The following PSIP1 variants were observed in gnomAD, a reference collection of about 807,000 sequenced individuals.
PSIP1 encodes PC4 and SRSF1 interacting protein 1, also known as PC4 and SFRS1-interacting protein.
A neutral mutation model predicts 74.7 loss-of-function variants in PSIP1; 19 were observed. The observed-to-expected ratio is 0.25, with a 90% confidence interval of 0.18 to 0.37. PSIP1 has a LOEUF of 0.37. Ranked by LOEUF, PSIP1 falls within the 10% of genes least tolerant of loss-of-function variation. The pLI, the probability that PSIP1 is intolerant of heterozygous loss-of-function variation, is 1.00. For missense variants in PSIP1, 601 were observed against 614.3 expected (o/e 0.98, Z 0.23); for synonymous variants, 222 against 195.3 (o/e 1.14, Z -1.14).
Position 15,465,552 on chromosome 9 carries a change from T to G in PSIP1, c.1561A>C (p.Ile521Leu), listed in dbSNP as rs756732844. ...KPSSEERETE[I>L]SLKDSTLDN ...TCTAGTGTAGAATCCTTCAGAGATA[T>G]TTCAGTCTCTCTCTCTTCACTGGAT... is the stretch of plus-strand genomic sequence containing the variant. The change falls in exon 16 of 16, where the codon ATA (isoleucine) becomes CTA (leucine). Residue 521 changes from isoleucine (I) to leucine (L), a missense_variant. Transcript: ENST00000380733. 3 of 1,585,704 alleles carry G rather than the reference T, an allele frequency of 1.9e-6. No homozygotes were observed. The highest frequency in any genetic ancestry group is 2.6e-6 in the Non-Finnish European group (3 of 1,156,926).
Position 15,510,244 on chromosome 9 carries a change from G to T in PSIP1, c.-56C>A. 2 of 1,546,424 alleles carry T rather than the reference G, an allele frequency of 1.3e-6. No homozygotes were observed. Among genetic ancestry groups the T allele is most frequent in the Non-Finnish European group, 1.8e-6 (2 of 1,136,256 alleles). ...CCGGGAGGCGGCGAGGAGATGCGGC[G>T]GCGCGGGGATGCGGGCGGCGGACGC... On this transcript the variant is annotated 5_prime_UTR_variant, in exon 2 of 16. Coordinates refer to ENST00000380733, the MANE Select transcript of PSIP1 (RefSeq NM_033222.5).
chr9:15,472,271 T>C (rs2035870121), intron 10 of PSIP1: 14 of 1,001,798 alleles, frequency 1.4e-5, no homozygotes, highest in Non-Finnish European at 1.7e-5. Flanking sequence ...TAAGGGCATT[T>C]CCTGCATTCT....
At position 15,497,511 on chromosome 9, in the gene PSIP1, G is replaced by C. The variant is rs375688973; in HGVS notation, c.150-7387C>G. Among the ~76,000 whole-genome samples, 802 of 152,058 alleles carry C rather than the reference G, an allele frequency of 5.3e-3. 10 individuals are homozygous for C. Among genetic ancestry groups the C allele is most frequent in the South Asian group, 0.021 (101 of 4,810 alleles). Reference sequence around the variant, plus strand: ...CTGGCTACTTTTTATATTTTTAGTAGAGATGGGGTTTCACCATGTTGTCCA... The same window carrying C: ...CTGGCTACTTTTTATATTTTTAGTACAGATGGGGTTTCACCATGTTGTCCA... On this transcript the variant is annotated intron_variant, in intron 3 of 15. Transcript: ENST00000380733.
rs1203762727 is a variant in PSIP1 at position 15,478,479 on chromosome 9, G to A, written c.627C>T (p.Asp209=). The A allele has an allele frequency of 2.5e-6, 4 of 1,578,398 alleles. No homozygotes were observed. In the South Asian group the frequency reaches 4.5e-5, roughly 18 times the overall value. Residue 209 remains aspartate, a splice_region_variant and synonymous_variant, in exon 8 of 16, where the codon GAC becomes GAT. Transcript: ENST00000380733. Reference sequence around the variant, plus strand: ...TTATACATTAAAAATAAACTCACATGTCACTCTCTGAAGGACAGGGCTGTT... The same window carrying A: ...TTATACATTAAAAATAAACTCACATATCACTCTCTGAAGGACAGGGCTGTT... ...MVKQPCPSES[D]IITEEDKSKK...
Position 15,464,174 on chromosome 9 carries a change from C to T in PSIP1, c.*1346G>A. On this transcript the variant is annotated 3_prime_UTR_variant, in exon 16 of 16. Transcript: ENST00000380733. ...TGTATAAGGACCAAACAGATAATGA[C>T]TGGTATATATGCAGGTTCTCTCAAA... 1 of 187,986 alleles carries T rather than the reference C, an allele frequency of 5.3e-6. No homozygotes were observed. The highest frequency in any genetic ancestry group is 1.1e-5 in the Non-Finnish European group (1 of 88,986). 11.6% of individuals were successfully genotyped at this position (187,986 alleles called of 1,614,324 possible).
rs2036750084 is a variant in PSIP1 at position 15,489,969 on chromosome 9, T to A, written c.288+17A>T. On this transcript the variant is annotated intron_variant, in intron 4 of 15. Coordinates refer to ENST00000380733, the MANE Select transcript of PSIP1 (RefSeq NM_033222.5). ...GGATTAAATAAGTAATATCAAATTT[T>A]ATGTAATATGACTTACCTGTTGACT... The A allele has an allele frequency of 6.6e-7, 1 of 1,515,606 alleles. No homozygotes were observed. 93.9% of individuals were successfully genotyped at this position (1,515,606 alleles called of 1,614,324 possible).
rs564937014 is a variant in PSIP1, at chr9:15,495,227, AT to A, written c.150-5104del. Among the ~76,000 whole-genome samples the A allele has an allele frequency of 3.2e-4, 49 of 151,658 alleles. No individual in the cohort carries two copies. In the South Asian group the frequency reaches 7.9e-3, roughly 25 times the overall value. On this transcript the variant is annotated intron_variant, in intron 3 of 15. Coordinates refer to ENST00000380733, the MANE Select transcript of PSIP1 (RefSeq NM_033222.5). Reference sequence around the variant, plus strand: ...AAATGTTTTAAAACCTCAAATATTTATTTTTTTTTAAAGATATGGCTCTAAG... The same window carrying A: ...AAATGTTTTAAAACCTCAAATATTTATTTTTTTTAAAGATATGGCTCTAAG...
At chr9:15,487,574 C>G (rs141822186) in intron 4 of PSIP1, among the ~76,000 whole-genome samples, 1 of 152,130 alleles carries the variant, frequency 6.6e-6, no homozygotes, top group Non-Finnish European at 1.5e-5. Flanking sequence ...TGCACTCCAA[C>G]CTGGGCGACA....
At chr9:15,477,447 T>A (rs921371550) in intron 8 of PSIP1, among the ~76,000 whole-genome samples, 1 of 152,318 alleles carries the variant, frequency 6.6e-6, no homozygotes, top group Non-Finnish European at 1.5e-5. Context: ...GTGAAACTCT[T>A]TAAACATATT....
chr9:15,477,840 T>TA (rs1013655008), intron 8 of PSIP1, among the ~76,000 whole-genome samples: 2 of 151,744 alleles, frequency 1.3e-5, no homozygotes, highest in African/African-American at 2.4e-5. Flanking sequence ...CTAGAGGAGA[T>TA]AAAAAAAAGA....
At chr9:15,470,092 G>T in intron 10 of PSIP1, 99 bp from the exon 11 acceptor site, 1 of 914,630 alleles carries the variant, frequency 1.1e-6, no homozygotes, top group Non-Finnish European at 1.7e-6. Flanking sequence ...CTTAAAATAA[G>T]TCAATAGCCT....
At chr9:15,491,064 C>G (rs2036807935) in intron 3 of PSIP1, among the ~76,000 whole-genome samples, 1 of 152,136 alleles carries the variant, frequency 6.6e-6, no homozygotes. Flanking sequence ...TTTTCATGAA[C>G]CAATCAATAC....
intron 3 of PSIP1, among the ~76,000 whole-genome samples, chr9:15,493,150 G>C (rs1312118103): frequency 6.6e-6 from 1 of 152,144 alleles, no homozygotes; most frequent in African/African-American, 2.4e-5. Flanking sequence ...TTTATGCTCT[G>C]TCACTTCCTA....
At chr9:15,469,832 G>T in intron 11 of PSIP1, 106 bp downstream of exon 11, 1 of 898,512 alleles carries the variant, frequency 1.1e-6, no homozygotes, top group Non-Finnish European at 1.7e-6. Flanking sequence ...TCTATTTGTA[G>T]GATATGAGTA....
In PSIP1 at chr9:15,510,156, G is replaced by C; in HGVS notation, c.33C>G (p.Ile11Met). Residue 11 changes from isoleucine (I) to methionine (M), a missense_variant, in exon 2 of 16, where the codon ATC becomes ATG. Ile to Met is a conservative substitution (Grantham distance 10). Around this residue, in one of 2 missense-constraint regions of PSIP1, gnomAD observed 63 missense variants for 106.7 expected, o/e 0.59. Coordinates refer to ENST00000380733, the MANE Select transcript of PSIP1 (RefSeq NM_033222.5). ...GGGGATAACCTTTCATCTTGGCGAA[G>C]ATGAGGTCTCCAGGTTTGAAATCGC... MTRDFKPGDLIFAKMKGYPHW... is the reference protein window; with the variant it reads MTRDFKPGDLMFAKMKGYPHW... 6.2e-7 allele frequency: 1 copy of C among 1,608,914 alleles called. No individual in the cohort carries two copies. Among genetic ancestry groups the C allele is most frequent in the Non-Finnish European group, 8.5e-7 (1 of 1,177,706 alleles).
At chr9:15,486,999 A>AT in intron 4 of PSIP1, 68 bp from the exon 5 acceptor site, 1 of 1,045,426 alleles carries the variant, frequency 9.6e-7, no homozygotes, top group Middle Eastern at 3.1e-4. Flanking sequence ...ACAATTCTTT[A>AT]TTTTTATTTT....
At chr9:15,472,455 G>A in intron 10 of PSIP1, 177 bp downstream of exon 10, 3 of 1,392,290 alleles carry the variant, frequency 2.2e-6, no homozygotes, top group Non-Finnish European at 2.8e-6. Context: ...CATCCTCTCA[G>A]AAGAGAATGA....
At position 15,469,862 on chromosome 9, in the gene PSIP1, A is replaced by G. The variant is rs1266603786; in HGVS notation, c.1033+76T>C. On this transcript the variant is annotated intron_variant, in intron 11 of 15. Coordinates refer to ENST00000380733, the MANE Select transcript of PSIP1 (RefSeq NM_033222.5). ...TGAGTATAAAATTATTCCAAAACCAATACATGAAAAGTTATGTCTATATAA... is the reference window on the plus strand; with the variant it reads ...TGAGTATAAAATTATTCCAAAACCAGTACATGAAAAGTTATGTCTATATAA... The G allele has an allele frequency of 7.1e-6, 9 of 1,274,704 alleles. No individual in the cohort carries two copies. In the South Asian group the frequency reaches 8.9e-5, roughly 13 times the overall value. 79.0% of individuals were successfully genotyped at this position (1,274,704 alleles called of 1,614,324 possible).
chr9:15,483,270 TC>T (rs1389106100), intron 6 of PSIP1, among the ~76,000 whole-genome samples: 2 of 152,126 alleles, frequency 1.3e-5, no homozygotes, highest in African/African-American at 4.8e-5. Flanking sequence ...TGCCTATGAT[TC>T]CAAACCAACA....
Sources: gnomAD v4.1 joint callset for allele counts (sites outside exome capture counted in the v4.1 genomes callset) on GRCh38, gnomAD v4.1.1 for gene constraint, gnomAD v4.1.1 regional missense constraint, MANE v1.5 for transcripts, NCBI Gene and HGNC (gene_info 2026-07-23, HGNC 2026-07-21) for gene names.